The following CTNND2 variants were observed in gnomAD, a reference collection of about 807,000 sequenced individuals.
CTNND2 encodes catenin delta-2.
A neutral mutation model predicts 144.4 loss-of-function variants in CTNND2; 22 were observed. The observed-to-expected ratio is 0.15, with a 90% CI of 0.11 to 0.22. CTNND2 has a LOEUF of 0.22. Ranked by LOEUF, CTNND2 falls within the 10% of genes least tolerant of loss-of-function variation. The probability of loss-of-function intolerance (pLI) is 1.00; values close to 1 mark genes in which losing one functional copy is unlikely to be tolerated. For missense variants in CTNND2, 1,353 were observed against 1,618.8 expected, an observed-to-expected ratio of 0.84 and a Z score of 2.82; for synonymous variants, 751 against 695.6, an observed-to-expected ratio of 1.08 and a Z score of -1.25.
chr5:11,737,130 G>A (rs571812537), intron 1 of CTNND2, among the ~76,000 whole-genome samples: 46 of 152,116 alleles, frequency 3.0e-4, no homozygotes, highest in African/African-American at 1.1e-3. Flanking sequence ...TGTATTTTTC[G>A]GCCTTTTGTT....
intron 11 of CTNND2, among the ~76,000 whole-genome samples, chr5:11,169,995 G>T (rs913808236): frequency 2.6e-5 from 4 of 152,130 alleles, no homozygotes; most frequent in Non-Finnish European, 4.4e-5. Context: ...ACATCTTTGA[G>T]TTCTTGTCAT....
chr5:11,112,709 C>G (rs1174198685), intron 13 of CTNND2, among the ~76,000 whole-genome samples: 2 of 152,184 alleles, frequency 1.3e-5, no homozygotes, highest in African/African-American at 4.8e-5. Context: ...GTGCGGAGCT[C>G]CAGAGGATGG....
At chr5:11,140,864 G>A (rs1210859407) in intron 12 of CTNND2, among the ~76,000 whole-genome samples, 1 of 152,060 alleles carries the variant, frequency 6.6e-6, no homozygotes, top group Non-Finnish European at 1.5e-5. Flanking sequence ...ATAATTAACT[G>A]GTTTGGCTCT....
chr5:11,708,736 G>T (rs1785858051), intron 2 of CTNND2, among the ~76,000 whole-genome samples: 1 of 152,008 alleles, frequency 6.6e-6, no homozygotes, highest in Non-Finnish European at 1.5e-5. Context: ...GCAGTTCCAG[G>T]CAACAGGCCA....
At chr5:11,342,227 G>C (rs527921244) in intron 9 of CTNND2, among the ~76,000 whole-genome samples, 22 of 152,268 alleles carry the variant, frequency 1.4e-4, no homozygotes, top group African/African-American at 5.3e-4. Flanking sequence ...TAACAATAAA[G>C]TGTCCAACAA....
At chr5:11,415,177 T>C (rs867279654) in intron 3 of CTNND2, among the ~76,000 whole-genome samples, 62 of 152,206 alleles carry the variant, frequency 4.1e-4, no homozygotes, top group African/African-American at 1.3e-3. Flanking sequence ...CTTTCTACAA[T>C]GGTTGCACAA....
intron 9 of CTNND2, among the ~76,000 whole-genome samples, chr5:11,254,028 A>T (rs1255677179): frequency 6.6e-6 from 1 of 152,228 alleles, no homozygotes; most frequent in Non-Finnish European, 1.5e-5. Flanking sequence ...GACTAAAAAA[A>T]TGCTTTACAT....
chr5:11,054,125 A>G (rs1329948548), intron 16 of CTNND2, among the ~76,000 whole-genome samples: 2 of 152,222 alleles, frequency 1.3e-5, no homozygotes, highest in South Asian at 2.1e-4. Context: ...GGAGCCTCCA[A>G]GGAACCGAAA....
intron 10 of CTNND2, among the ~76,000 whole-genome samples, chr5:11,225,145 G>A (rs1740195967): frequency 1.3e-5 from 2 of 152,106 alleles, no homozygotes; most frequent in Admixed American, 1.3e-4. Context: ...TCAAACTGCA[G>A]TGACCACCAC....
At chr5:11,428,038 C>G (rs144536950) in intron 3 of CTNND2, among the ~76,000 whole-genome samples, 4 of 152,228 alleles carry the variant, frequency 2.6e-5, no homozygotes, top group African/African-American at 9.6e-5. Flanking sequence ...ATAAACCCAT[C>G]AGATCTTGTG....
chr5:11,473,852 T>C (rs1407380547), intron 3 of CTNND2, among the ~76,000 whole-genome samples: 1 of 152,228 alleles, frequency 6.6e-6, no homozygotes, highest in Non-Finnish European at 1.5e-5. Context: ...ATGCCAGGCC[T>C]AATCTGCAGT....
chr5:11,589,479 T>C (rs960282704), intron 2 of CTNND2, among the ~76,000 whole-genome samples: 1 of 152,158 alleles, frequency 6.6e-6, no homozygotes, highest in African/African-American at 2.4e-5. Flanking sequence ...GTTCAACAAA[T>C]AAGTTTATTC....
intron 16 of CTNND2, among the ~76,000 whole-genome samples, chr5:11,034,450 C>T (rs1297462741): frequency 3.9e-5 from 6 of 152,172 alleles, no homozygotes; most frequent in African/African-American, 1.4e-4. Context: ...TTCTTAGTGT[C>T]CTCTTTTTGA....
chr5:11,502,525 A>C (rs1770639573), intron 3 of CTNND2, among the ~76,000 whole-genome samples: 1 of 152,192 alleles, frequency 6.6e-6, no homozygotes, highest in South Asian at 2.1e-4. Flanking sequence ...TACTTAAATA[A>C]ATTATTAATA....
At chr5:11,299,299 A>G (rs1167924432) in intron 9 of CTNND2, among the ~76,000 whole-genome samples, 1 of 152,168 alleles carries the variant, frequency 6.6e-6, no homozygotes, top group Non-Finnish European at 1.5e-5. Context: ...ATAGGCAAGC[A>G]TATGTCAAAC....
At chr5:11,579,788 C>G (rs1200714978) in intron 2 of CTNND2, among the ~76,000 whole-genome samples, 1 of 152,118 alleles carries the variant, frequency 6.6e-6, no homozygotes, top group Admixed American at 6.5e-5. Context: ...ATCTTTGTGT[C>G]CCCTGAAACT....
rs1738794495 is a variant in CTNND2, at chr5:11,212,988, A to T, written c.1762-13327T>A. Among the ~76,000 whole-genome samples the T allele has an allele frequency of 3.3e-5, 5 of 152,250 alleles. No individual in the cohort carries two copies. The South Asian group carries it at 8.3e-4, about 25-fold the overall frequency. ...CCAGGAAGACATGAGAACAAATTTG[A>T]GAGCTGGTTCAAAAGAAGGAATTAT... On this transcript the variant is annotated intron_variant, in intron 10 of 21. Transcript: ENST00000304623.
At chr5:11,111,103 C>T (rs780953293) in intron 13 of CTNND2, 60 bp from the exon 14 acceptor site, 35 of 1,533,954 alleles carry the variant, frequency 2.3e-5, no homozygotes, top group Non-Finnish European at 2.7e-5. Context: ...GCACTCCATT[C>T]TTCCACCTGG....
At chr5:11,295,116 T>C (rs1387965711) in intron 9 of CTNND2, among the ~76,000 whole-genome samples, 1 of 151,780 alleles carries the variant, frequency 6.6e-6, no homozygotes, top group Non-Finnish European at 1.5e-5. Context: ...CTTAAGCTGA[T>C]AGGCAACTTC....
Sources: gnomAD v4.1 joint callset for allele counts (sites outside exome capture counted in the v4.1 genomes callset) on GRCh38, gnomAD v4.1.1 for gene constraint, MANE v1.5 for transcripts, NCBI Gene and HGNC (gene_info 2026-07-23, HGNC 2026-07-21) for gene names.